Variants in CTNNA2 observed in about 807,000 individuals in gnomAD.
The protein encoded by CTNNA2 is catenin alpha-2.
In CTNNA2, 42 loss-of-function variants were observed where a neutral mutation model predicts 101.0. That is an observed-to-expected ratio of 0.42 (90% CI 0.32 to 0.54). The LOEUF (loss-of-function observed/expected upper bound fraction) is 0.54. Ranked by LOEUF, CTNNA2 falls within the 20% of genes least tolerant of loss-of-function variation. CTNNA2 has a pLI of 0.14. For missense variants in CTNNA2, 871 were observed against 1,223.1 expected, an observed-to-expected ratio of 0.71 and a Z score of 4.29; for synonymous variants, 450 against 456.4, an observed-to-expected ratio of 0.99 and a Z score of 0.18.
intron 13 of CTNNA2, 136 bp from the exon 14 acceptor site, chr2:80,581,570 A>G (rs926810280): frequency 6.6e-6 from 4 of 601,892 alleles, no homozygotes; most frequent in Admixed American, 2.5e-5. Context: ...ATACTCACCC[A>G]CATAGCTGTG....
chr2:79,730,959 T>C (rs1426105149), intron 2 of CTNNA2, among the ~76,000 whole-genome samples: 1 of 152,020 alleles, frequency 6.6e-6, no homozygotes, highest in East Asian at 1.9e-4. Flanking sequence ...ACTTTCCTGC[T>C]TGGATGTTTC....
At chr2:80,036,846 TGTGAGAGAGAGA>T (rs1314802570) in intron 7 of CTNNA2, among the ~76,000 whole-genome samples, 212 of 109,232 alleles carry the variant, frequency 1.9e-3, no homozygotes, top group Admixed American at 2.0e-3. Context: ...TGTGTGTGTG[TGTGAGAGAGAGA>T]GAGAGAGAGA....
intron 2 of CTNNA2, among the ~76,000 whole-genome samples, chr2:79,270,066 C>T (rs1341937178): frequency 6.6e-6 from 1 of 152,132 alleles, no homozygotes; most frequent in African/African-American, 2.4e-5. Context: ...CATCTCTCTT[C>T]TTCCTTTGTT....
chr2:79,874,919 TTA>T (rs1314026230), intron 6 of CTNNA2, among the ~76,000 whole-genome samples: 9 of 152,192 alleles, frequency 5.9e-5, no homozygotes, highest in African/African-American at 2.2e-4. Flanking sequence ...ATCATCTTTA[TTA>T]TTAAAGGGGC....
intron 7 of CTNNA2, among the ~76,000 whole-genome samples, chr2:80,328,794 A>G (rs1439491858): frequency 6.6e-6 from 1 of 152,224 alleles, no homozygotes; most frequent in African/African-American, 2.4e-5. Flanking sequence ...ATGTACTTAT[A>G]CAAACCTAGA....
Position 79,309,082 on chromosome 2 carries a change from T to A in CTNNA2, c.-405-3627T>A, listed in dbSNP as rs184889220. 2.4e-4 allele frequency among the ~76,000 whole-genome samples: 36 copies of A among 152,266 alleles called. 1 individual carries two copies. The East Asian group carries it at 6.9e-3, about 29-fold the overall frequency. On this transcript the variant is annotated intron_variant, in intron 2 of 21. Transcript: ENST00000466387. ...TATTCTCCAGACTGTTCTCTTGGTCTATTTCTCTCTCTGTGACCCATTTCT... is the reference window on the plus strand; with the variant it reads ...TATTCTCCAGACTGTTCTCTTGGTCAATTTCTCTCTCTGTGACCCATTTCT...
intron 7 of CTNNA2, among the ~76,000 whole-genome samples, chr2:80,249,119 A>T (rs1238957826): frequency 1.3e-5 from 2 of 152,144 alleles, no homozygotes; most frequent in Non-Finnish European, 2.9e-5. Context: ...TTTCCACAGC[A>T]TGCTTTTATT....
At chr2:80,190,392 C>T (rs970744230) in intron 7 of CTNNA2, among the ~76,000 whole-genome samples, 12 of 152,072 alleles carry the variant, frequency 7.9e-5, no homozygotes, top group Admixed American at 1.3e-4. Flanking sequence ...AAACAGCATG[C>T]GGTTTGTATA....
intron 4 of CTNNA2, among the ~76,000 whole-genome samples, chr2:79,380,799 A>C (rs2104462897): frequency 1.3e-5 from 2 of 152,310 alleles, no homozygotes; most frequent in South Asian, 4.1e-4. Flanking sequence ...AGTTTTCCTG[A>C]AAATTACATT....
chr2:80,644,052 A>G (rs1306895069), intron 18 of CTNNA2, among the ~76,000 whole-genome samples: 1 of 152,128 alleles, frequency 6.6e-6, no homozygotes, highest in African/African-American at 2.4e-5. Flanking sequence ...CAATAACTAA[A>G]AAACAAGACC....
In CTNNA2 at chr2:79,221,876, T is replaced by G. The variant is rs185532795; in HGVS notation, c.-406+23800T>G. Reference sequence around the variant, plus strand: ...TCTACCACCAGCCCAGGAGGGTACCTGAGGACACTTGTGGTCATGGAAGAT... The same window carrying G: ...TCTACCACCAGCCCAGGAGGGTACCGGAGGACACTTGTGGTCATGGAAGAT... On this transcript the variant is annotated intron_variant, in intron 2 of 21. Coordinates refer to the CTNNA2 transcript ENST00000466387. Among the ~76,000 whole-genome samples the G allele has an allele frequency of 1.0e-3, 156 of 152,278 alleles. No individual in the cohort carries two copies. The Middle Eastern group carries it at 0.027, about 27-fold the overall frequency.
intron 7 of CTNNA2, among the ~76,000 whole-genome samples, chr2:80,008,642 C>T (rs956937349): frequency 2.6e-5 from 4 of 152,184 alleles, no homozygotes; most frequent in African/African-American, 9.7e-5. Context: ...GGTCTACAGT[C>T]AGACTGCCTG....
At chr2:79,866,419 T>C (rs1682103206) in intron 4 of CTNNA2, 1 of 152,208 alleles carries the variant, frequency 6.6e-6, no homozygotes, top group African/African-American at 2.4e-5. Flanking sequence ...ATGTCCAAGA[T>C]CATGAGGGCA....
chr2:79,298,711 T>C (rs1300845436), intron 2 of CTNNA2, among the ~76,000 whole-genome samples: 1 of 152,206 alleles, frequency 6.6e-6, no homozygotes, highest in African/African-American at 2.4e-5. Context: ...CCAAATCTTA[T>C]CCCCAAGTCA....
chr2:79,516,736 A>G (rs562632797), intron 1 of CTNNA2, among the ~76,000 whole-genome samples: 1 of 152,286 alleles, frequency 6.6e-6, no homozygotes, highest in African/African-American at 2.4e-5. Flanking sequence ...GTGAGGACCC[A>G]GAATATTCTT....
intron 3 of CTNNA2, among the ~76,000 whole-genome samples, chr2:79,750,010 G>C (rs189337978): frequency 1.3e-5 from 2 of 152,138 alleles, no homozygotes; most frequent in East Asian, 1.9e-4. Flanking sequence ...TGAGTAGCTC[G>C]GTATGGCTTA....
chr2:79,327,671 A>G (rs1676777792), intron 3 of CTNNA2, among the ~76,000 whole-genome samples: 2 of 152,202 alleles, frequency 1.3e-5, no homozygotes, highest in Admixed American at 6.5e-5. Context: ...AGGTGGCATT[A>G]TATGGAAGTA....
intron 4 of CTNNA2, among the ~76,000 whole-genome samples, chr2:79,464,932 T>A (rs1394958935): frequency 6.6e-6 from 1 of 152,216 alleles, no homozygotes; most frequent in African/African-American, 2.4e-5. Context: ...ATTCTGTAGG[T>A]TGCCTGTTCA....
At chr2:80,089,322 T>C (rs1306618952) in intron 7 of CTNNA2, among the ~76,000 whole-genome samples, 1 of 152,008 alleles carries the variant, frequency 6.6e-6, no homozygotes, top group African/African-American at 2.4e-5. Flanking sequence ...CATTGAGGGC[T>C]TCTCTGGAAG....
Sources: gnomAD v4.1 joint callset for allele counts (sites outside exome capture counted in the v4.1 genomes callset) on GRCh38, gnomAD v4.1.1 for gene constraint, MANE v1.5 for transcripts, NCBI Gene and HGNC (gene_info 2026-07-23, HGNC 2026-07-21) for gene names.